The following KCNQ5 variants were observed in gnomAD, a reference collection of about 807,000 sequenced individuals.
The protein encoded by KCNQ5 is potassium voltage-gated channel subfamily KQT member 5.
KCNQ5 carries 30 observed loss-of-function variants against 98.2 expected under a neutral mutation model. That is an observed-to-expected ratio of 0.31 (90% confidence interval 0.23 to 0.41). The LOEUF is 0.41. Ranked by LOEUF, KCNQ5 falls within the 10% of genes least tolerant of loss-of-function variation. The pLI, the probability that KCNQ5 is intolerant of heterozygous loss-of-function variation, is 1.00. For synonymous variants in KCNQ5, 458 were observed against 449.4 expected (o/e 1.02, Z -0.24); for missense variants, 835 against 1,182.5 (o/e 0.71, Z 4.31).
intron 12 of KCNQ5, among the ~76,000 whole-genome samples, chr6:73,190,931 G>A (rs888490134): frequency 1.3e-5 from 2 of 152,208 alleles, no homozygotes; most frequent in African/African-American, 4.8e-5. Context: ...AAAATGGGAA[G>A]AAAGTTAGTT....
rs1300522824 is a variant in KCNQ5 at position 72,967,353 on chromosome 6, T to C, written c.399-36555T>C. 2.0e-5 allele frequency among the ~76,000 whole-genome samples: 3 copies of C among 152,244 alleles called. No individual in the cohort carries two copies. In the East Asian group the frequency reaches 5.8e-4, roughly 29 times the overall value. On this transcript the variant is annotated intron_variant, in intron 1 of 13. Coordinates refer to ENST00000370398, the MANE Select transcript of KCNQ5 (RefSeq NM_019842.4). The stretch of plus-strand genomic sequence containing the variant: ...TATAGTGAAATATAATGGTATTATG[T>C]AATTTTAAGATGTACATCTTAAAGA...
intron 1 of KCNQ5, among the ~76,000 whole-genome samples, chr6:72,831,307 T>G (rs1776256278): frequency 6.6e-6 from 1 of 152,090 alleles, no homozygotes; most frequent in Non-Finnish European, 1.5e-5. Context: ...CTATTCACAA[T>G]AGCAAAGACT....
intron 2 of KCNQ5, among the ~76,000 whole-genome samples, chr6:73,039,950 T>C (rs77150253): frequency 0.016 from 2,487 of 152,216 alleles, 61 homozygotes; most frequent in African/African-American, 0.056. Context: ...TTAACATTTG[T>C]CTATTTTTCC....
chr6:73,169,631 C>A, intron 10 of KCNQ5, 115 bp from the exon 11 acceptor site: 1 of 722,170 alleles, frequency 1.4e-6, no homozygotes, highest in Non-Finnish European at 2.5e-6. Context: ...TTATACATAT[C>A]TTGGTTTATC....
At chr6:72,680,901 T>C (rs1011608220) in intron 1 of KCNQ5, among the ~76,000 whole-genome samples, 6 of 152,054 alleles carry the variant, frequency 3.9e-5, no homozygotes, top group Non-Finnish European at 8.8e-5. Context: ...TTGTAGGGAG[T>C]TTTGTGATCT....
intron 1 of KCNQ5, among the ~76,000 whole-genome samples, chr6:72,628,863 T>C (rs772884277): frequency 2.0e-5 from 3 of 152,156 alleles, no homozygotes; most frequent in Non-Finnish European, 4.4e-5. Flanking sequence ...TCTGCCCACC[T>C]CAGCCTCCCA....
At chr6:72,922,857 G>A (rs1348174824) in intron 1 of KCNQ5, among the ~76,000 whole-genome samples, 1 of 128,624 alleles carries the variant, frequency 7.8e-6, no homozygotes, top group Non-Finnish European at 1.5e-5. Context: ...TGTCACCCAG[G>A]CTGGAGTGCA....
At chr6:72,678,133 T>C (rs2154473654) in intron 1 of KCNQ5, among the ~76,000 whole-genome samples, 1 of 152,360 alleles carries the variant, frequency 6.6e-6, no homozygotes, top group Non-Finnish European at 1.5e-5. Context: ...AGGGCTGAAT[T>C]GGTTTGTGAC....
At position 72,929,103 on chromosome 6, in the gene KCNQ5, A is replaced by G. The variant is rs76724407; in HGVS notation, c.399-74805A>G. Among the ~76,000 whole-genome samples, 893 of 152,282 alleles carry G rather than the reference A, an allele frequency of 5.9e-3. 10 individuals carry two copies. Among genetic ancestry groups the G allele is most frequent in the African/African-American group, 0.021 (868 of 41,574 alleles). Reference sequence around the variant, plus strand: ...CCTAACCTCATAAATGCTGACCCATAACAGAGGTTCCTCATAACTAGCTGT... The same window carrying G: ...CCTAACCTCATAAATGCTGACCCATGACAGAGGTTCCTCATAACTAGCTGT... On this transcript the variant is annotated intron_variant, in intron 1 of 13. Transcript: ENST00000370398.
chr6:72,802,645 T>A (rs896592444), intron 1 of KCNQ5, among the ~76,000 whole-genome samples: 1 of 152,096 alleles, frequency 6.6e-6, no homozygotes, highest in Non-Finnish European at 1.5e-5. Flanking sequence ...GAAGATGAGC[T>A]TTTTGCACAT....
chr6:72,650,364 G>T (rs1378281005), intron 1 of KCNQ5, among the ~76,000 whole-genome samples: 1 of 152,044 alleles, frequency 6.6e-6, no homozygotes, highest in Non-Finnish European at 1.5e-5. Flanking sequence ...AATGCAAAAA[G>T]AAAAACGGAA....
At chr6:72,966,584 AAAAG>A (rs1401196395) in intron 1 of KCNQ5, among the ~76,000 whole-genome samples, 2 of 152,060 alleles carry the variant, frequency 1.3e-5, no homozygotes, top group Non-Finnish European at 2.9e-5. Context: ...GAAAGAAAGA[AAAAG>A]AGAGAGAGAA....
At chr6:72,648,189 G>C (rs1765696622) in intron 1 of KCNQ5, among the ~76,000 whole-genome samples, 1 of 152,116 alleles carries the variant, frequency 6.6e-6, no homozygotes, top group Non-Finnish European at 1.5e-5. Context: ...GGATGAGGCT[G>C]AGCCTTTGAC....
chr6:72,997,219 G>A (rs993853916), intron 1 of KCNQ5, among the ~76,000 whole-genome samples: 5 of 152,098 alleles, frequency 3.3e-5, no homozygotes, highest in African/African-American at 1.2e-4. Context: ...CTGGCCACAC[G>A]AATTTCCTGA....
chr6:72,699,923 C>T (rs918963077), intron 1 of KCNQ5, among the ~76,000 whole-genome samples: 12 of 152,278 alleles, frequency 7.9e-5, no homozygotes, highest in Middle Eastern at 3.4e-3. Flanking sequence ...ACACACCTTA[C>T]TTTTCACACA....
chr6:72,794,347 G>GA (rs200338857), intron 1 of KCNQ5, among the ~76,000 whole-genome samples: 3,050 of 134,382 alleles, frequency 0.023, 94 homozygotes, highest in African/African-American at 0.072. Context: ...AGAGGAGAGA[G>GA]AAAAAAAAAA....
intron 1 of KCNQ5, among the ~76,000 whole-genome samples, chr6:72,839,367 G>T (rs550855382): frequency 2.6e-5 from 4 of 151,992 alleles, no homozygotes; most frequent in African/African-American, 9.7e-5. Flanking sequence ...TAAAATATTT[G>T]CCTTATAATT....
chr6:72,794,500 T>C (rs1365996453), intron 1 of KCNQ5, among the ~76,000 whole-genome samples: 2 of 152,220 alleles, frequency 1.3e-5, no homozygotes, highest in African/African-American at 2.4e-5. Context: ...TGTTGGCTAA[T>C]TGTCATTTTT....
rs565170287 is a variant in KCNQ5 at position 73,003,842 on chromosome 6, C to T, written c.399-66C>T. The T allele has an allele frequency of 4.6e-3, 4,974 of 1,085,732 alleles. 18 individuals carry two copies. The highest frequency in any genetic ancestry group is 6.0e-3 in the Non-Finnish European group (4,292 of 714,542). 67.3% of individuals were successfully genotyped at this position (1,085,732 alleles called of 1,614,324 possible). On this transcript the variant is annotated intron_variant, in intron 1 of 13. Coordinates refer to ENST00000370398, the MANE Select transcript of KCNQ5 (RefSeq NM_019842.4). ...GGCCTGGTGCTTTATTCATTTGAAG[C>T]AAGAAATTAAGTCTGTGATAATAAG...
Sources: gnomAD v4.1 joint callset for allele counts (sites outside exome capture counted in the v4.1 genomes callset) on GRCh38, gnomAD v4.1.1 for gene constraint, MANE v1.5 for transcripts, NCBI Gene and HGNC (gene_info 2026-07-23, HGNC 2026-07-21) for gene names.